Variants in ANKAR observed in about 807,000 individuals in gnomAD.
ANKAR encodes ankyrin and armadillo repeat containing.
ANKAR carries 136 observed loss-of-function variants against 146.2 expected under a neutral mutation model. That is an observed-to-expected ratio of 0.93 (90% confidence interval 0.81 to 1.07). ANKAR has a LOEUF of 1.07. ANKAR is among the 50% of genes least tolerant of loss of function. The pLI, the probability that ANKAR is intolerant of heterozygous loss-of-function variation, is 0.00. For synonymous variants in ANKAR, 500 were observed against 575.8 expected (o/e 0.87, Z 1.88); for missense variants, 1,567 against 1,679.9 (o/e 0.93, Z 1.18).
rs1271447036 is a variant in ANKAR at position 189,743,397 on chromosome 2, C to A, written c.3933C>A (p.Ser1311Arg). The change falls in exon 21 of 23, where the codon AGC (serine) becomes AGA (arginine). Residue 1311 changes from serine to arginine, a missense_variant. Coordinates refer to ENST00000684021, the MANE Select transcript of ANKAR (RefSeq NM_001378068.1). Reference protein sequence around the residue: ...NQFIRIKNNISRDASINPAFL... With the variant: ...NQFIRIKNNIRRDASINPAFL... ...TCATTCGTATAAAAAATAATATCAG[C>A]AGAGATGCAAGTATTAACCCAGCAT... is the stretch of plus-strand genomic sequence containing the variant. The A allele has an allele frequency of 6.2e-7, 1 of 1,613,840 alleles. No homozygotes were observed. Among genetic ancestry groups the A allele is most frequent in the Admixed American group, 1.7e-5 (1 of 60,010 alleles).
rs568341062 is a variant in ANKAR at position 189,703,185 on chromosome 2, C to T, written c.1709-1838C>T. 3.9e-5 allele frequency among the ~76,000 whole-genome samples: 6 copies of T among 152,232 alleles called. No individual in the cohort carries two copies. In the East Asian group the frequency reaches 1.2e-3, roughly 29 times the overall value. The stretch of plus-strand genomic sequence containing the variant: ...GAGCCAGTGGATCCTGTCACTGTTC[C>T]TCATAATCAGATGGCCTTGAGAAGC... On this transcript the variant is annotated intron_variant, in intron 7 of 22. Transcript: ENST00000684021.
intron 17 of ANKAR, among the ~76,000 whole-genome samples, chr2:189,736,349 T>G (rs2042831358): frequency 6.6e-6 from 1 of 151,916 alleles, no homozygotes; most frequent in Admixed American, 6.6e-5. Flanking sequence ...GCATGCCCCT[T>G]TGGTTCATTT....
At chr2:189,723,525 A>T (rs982123870) in intron 12 of ANKAR, among the ~76,000 whole-genome samples, 36 of 151,488 alleles carry the variant, frequency 2.4e-4, no homozygotes, top group African/African-American at 8.3e-4. Context: ...AGATCACCTC[A>T]TTTTTTTTCT....
At chr2:189,684,590 C>T (rs2035242157) in intron 2 of ANKAR, among the ~76,000 whole-genome samples, 1 of 152,046 alleles carries the variant, frequency 6.6e-6, no homozygotes, top group Admixed American at 6.6e-5. Context: ...CACAGTGGCT[C>T]ACACTTGTAA....
chr2:189,707,144 T>C lies in ANKAR; in HGVS notation c.2117T>C (p.Val706Ala). The C allele has an allele frequency of 2.0e-6, 3 of 1,492,782 alleles. No homozygotes were observed. Among genetic ancestry groups the C allele is most frequent in the Non-Finnish European group, 1.8e-6 (2 of 1,110,380 alleles). The allele number at this position is 1,492,782 out of a possible 1,614,324, so 92.5% of individuals were successfully genotyped here. A position where few individuals can be genotyped will look rare whatever the true frequency, so the allele number is the denominator to read the frequency against. ...IPELPVWKTL[V>A]EMLQCESYKR... The stretch of plus-strand genomic sequence containing the variant: ...GAACTCCCAGTGTGGAAAACTTTGG[T>C]AGGTGAGTATAATCTCTTTATAAAT... Residue 706 changes from valine to alanine, a missense_variant and splice_region_variant, in exon 9 of 23, where the codon GTA becomes GCA. Physicochemically the swap from Val to Ala is moderately conservative, Grantham distance 64. Transcript: ENST00000684021.
Position 189,733,227 on chromosome 2 carries a change from A to C in ANKAR, c.3421A>C (p.Lys1141Gln). The C allele has an allele frequency of 6.2e-7, 1 of 1,600,426 alleles. No homozygotes were observed. The highest frequency in any genetic ancestry group is 1.3e-5 in the African/African-American group (1 of 74,436). The change falls in exon 17 of 23, where the codon AAG becomes CAG. Residue 1141 changes from lysine to glutamine, a missense_variant and splice_region_variant. Coordinates refer to ENST00000684021, the MANE Select transcript of ANKAR (RefSeq NM_001378068.1). ...CCTTTATCTTCTTCACTCAACAGAA[A>C]AGGTAATACCTTTACAAAATATTGA... The part of the protein sequence containing the change: ...DVLYLLHSTE[K>Q]DICLRAGYAL...
intron 1 of ANKAR, among the ~76,000 whole-genome samples, chr2:189,675,056 C>G (rs1178986240): frequency 3.3e-5 from 5 of 152,180 alleles, no homozygotes; most frequent in Non-Finnish European, 5.9e-5. Flanking sequence ...GTGTGGCGCC[C>G]AAACCAGCAC....
At chr2:189,712,301 G>T (rs529168076) in intron 10 of ANKAR, among the ~76,000 whole-genome samples, 2 of 152,202 alleles carry the variant, frequency 1.3e-5, no homozygotes, top group African/African-American at 4.8e-5. Flanking sequence ...CCTCAAGTGG[G>T]TCCCTCACCC....
In ANKAR at chr2:189,677,658, A is replaced by G. The variant is rs1574313903; in HGVS notation, c.601+567A>G. 3.3e-5 allele frequency among the ~76,000 whole-genome samples: 5 copies of G among 151,222 alleles called. 1 individual carries two copies. Among genetic ancestry groups the G allele is most frequent in the Admixed American group, 3.3e-4 (5 of 15,196 alleles). On this transcript the variant is annotated intron_variant, in intron 2 of 22. Transcript: ENST00000684021. ...GGCTGAGTAGTATTTCATGGTATATATATTTTCTTTCTTTCTTTTTTTTTT... is the reference window on the plus strand; with the variant it reads ...GGCTGAGTAGTATTTCATGGTATATGTATTTTCTTTCTTTCTTTTTTTTTT...
At chr2:189,715,330 A>G (rs553896193) in intron 10 of ANKAR, among the ~76,000 whole-genome samples, 1 of 152,340 alleles carries the variant, frequency 6.6e-6, no homozygotes, top group South Asian at 2.1e-4. Context: ...AATAAACCAG[A>G]AAATCTAGAA....
At chr2:189,698,106 A>G (rs1228244485) in intron 7 of ANKAR, among the ~76,000 whole-genome samples, 2 of 152,210 alleles carry the variant, frequency 1.3e-5, no homozygotes, top group Non-Finnish European at 2.9e-5. Flanking sequence ...GAGGTAAAAA[A>G]GGAAAGAAAT....
Position 189,746,619 on chromosome 2 carries a change from G to A in ANKAR, c.4297G>A (p.Glu1433Lys). ...HVQKANPEPA[E>K]G is the part of the protein sequence containing the mutation. Reference sequence around the variant, plus strand: ...CCAGAAAGCCAACCCAGAGCCTGCAGAAGGCTAATAAAACATTTTAGAATG... The same window carrying A: ...CCAGAAAGCCAACCCAGAGCCTGCAAAAGGCTAATAAAACATTTTAGAATG... The change falls in exon 23 of 23, where the codon GAA (glutamate) becomes AAA (lysine). Residue 1433 changes from glutamate (E) to lysine (K), a missense_variant. Transcript: ENST00000684021. 1 of 1,588,104 alleles carries A rather than the reference G, an allele frequency of 6.3e-7. No individual in the cohort carries two copies. Among genetic ancestry groups the A allele is most frequent in the East Asian group, 2.2e-5 (1 of 44,486 alleles).
At chr2:189,700,992 C>A (rs965774613) in intron 7 of ANKAR, among the ~76,000 whole-genome samples, 2 of 152,118 alleles carry the variant, frequency 1.3e-5, no homozygotes, top group African/African-American at 4.8e-5. Flanking sequence ...AATAGTGCTG[C>A]AGTAAATAGG....
At chr2:189,744,819 C>A (rs1157607967) in intron 22 of ANKAR, 31 bp downstream of exon 22, 3 of 1,470,114 alleles carry the variant, frequency 2.0e-6, no homozygotes, top group Admixed American at 1.7e-5. Context: ...CTATGAAGTA[C>A]CTTCTAGCCC....
rs558020064 is a variant in ANKAR, at chr2:189,693,127, A to G, written c.1257A>G (p.Ser419=). The change falls in exon 5 of 23, where the codon TCA becomes TCG. Residue 419 remains serine (S), a synonymous_variant. Coordinates refer to ENST00000684021, the MANE Select transcript of ANKAR (RefSeq NM_001378068.1). ...DCAANTFIED[S]GYKEYYSIPV... is the part of the protein sequence containing the mutation. ...CTGCTAATACATTTATAGAAGATTC[A>G]GGATATAAAGAATATTACTCAATAC... 1.6e-5 allele frequency: 25 copies of G among 1,560,956 alleles called. 1 individual carries two copies. The African/African-American group carries it at 1.7e-4, about 10-fold the overall frequency.
chr2:189,709,991 C>A (rs2039473682), intron 9 of ANKAR, among the ~76,000 whole-genome samples: 1 of 152,218 alleles, frequency 6.6e-6, no homozygotes, highest in South Asian at 2.1e-4. Flanking sequence ...CAACAGTGAG[C>A]ATCTGGCTAC....
chr2:189,733,342 G>C (rs537378837), intron 17 of ANKAR, 113 bp downstream of exon 17: 2 of 934,550 alleles, frequency 2.1e-6, no homozygotes, highest in African/African-American at 3.4e-5. Flanking sequence ...TTTAAGAAAA[G>C]ACATGTAAAA....
At chr2:189,761,731 T>C (rs988281464), downstream of ANKAR, 2 of 1,394,214 alleles carry the variant, frequency 1.4e-6, no homozygotes, top group Non-Finnish European at 1.9e-6. Flanking sequence ...CAATATATAG[T>C]TTTACAGAAT....
rs769982244 is a variant in ANKAR, at chr2:189,676,517, A to G, written c.27A>G (p.Leu9=). 1 of 1,563,970 alleles carries G rather than the reference A, an allele frequency of 6.4e-7. No homozygotes were observed. Among genetic ancestry groups the G allele is most frequent in the Admixed American group, 1.9e-5 (1 of 53,120 alleles). MLRLPKKG[L]PRFEQVQDED... ...TGTTAAGATTGCCCAAAAAAGGATT[A>G]CCTAGATTTGAGCAAGTTCAGGATG... The change falls in exon 2 of 23, where the codon TTA becomes TTG. Residue 9 remains leucine, a synonymous_variant. Transcript: ENST00000684021.
Sources: allele counts gnomAD v4.1 joint callset (sites outside exome capture counted in the v4.1 genomes callset), GRCh38; gene constraint gnomAD v4.1.1; transcripts MANE v1.5; gene names NCBI Gene and HGNC (gene_info 2026-07-23, HGNC 2026-07-21).